FBN2: variants seen among roughly 807,000 people sequenced by gnomAD.
The protein encoded by FBN2 is fibrillin 2.
FBN2 carries 105 observed loss-of-function variants against 355.6 expected under a neutral mutation model. The ratio of observed to expected loss-of-function variants is 0.30; its 90% CI spans 0.25 to 0.35. FBN2 has a LOEUF of 0.35. Among genes scored for constraint, FBN2 ranks in the 10% least tolerant of loss-of-function variants. The probability of loss-of-function intolerance (pLI) is 1.00; values close to 1 mark genes in which losing one functional copy is unlikely to be tolerated. For missense variants in FBN2, 3,280 were observed against 3,758.7 expected, an observed-to-expected ratio of 0.87 and a Z score of 3.33; for synonymous variants, 1,350 against 1,301.2, an observed-to-expected ratio of 1.04 and a Z score of -0.81.
chr5:128,366,473 A>T, intron 16 of FBN2, 43 bp from the exon 17 acceptor site: 1 of 1,227,450 alleles, frequency 8.1e-7, no homozygotes, highest in Non-Finnish European at 1.2e-6. Context: ...ACTTAACTAT[A>T]CCTATTCCAT....
At chr5:128,527,173 T>A (rs1374861254) in intron 4 of FBN2, among the ~76,000 whole-genome samples, 6 of 152,194 alleles carry the variant, frequency 3.9e-5, no homozygotes, top group African/African-American at 1.4e-4. Flanking sequence ...AATATGTGAA[T>A]TCCCAAAAAT....
chr5:128,454,296 A>G (rs886417606), intron 6 of FBN2, among the ~76,000 whole-genome samples: 18 of 152,282 alleles, frequency 1.2e-4, no homozygotes, highest in Admixed American at 1.3e-4. Flanking sequence ...GTGGGGTTAG[A>G]AGAAGAGGAA....
chr5:128,332,294 AT>A (rs575563030), intron 32 of FBN2, among the ~76,000 whole-genome samples: 10 of 152,342 alleles, frequency 6.6e-5, no homozygotes, highest in Middle Eastern at 3.4e-3. Flanking sequence ...ATTGTAAGGC[AT>A]GTGAAACACT....
Position 128,311,434 on chromosome 5 carries a change from A to C in FBN2, c.4949-9T>G. 3.7e-6 allele frequency: 6 copies of C among 1,613,682 alleles called. No individual in the cohort carries two copies. Among genetic ancestry groups the C allele is most frequent in the Non-Finnish European group, 5.1e-6 (6 of 1,179,610 alleles). ...CTGGCATTCGTCAATGTCTACAAAA[A>C]GGGAGACAGTGCACTTAAAACAAAC... On this transcript the variant is annotated splice_polypyrimidine_tract_variant and intron_variant, in intron 38 of 64. Coordinates refer to ENST00000262464, the MANE Select transcript of FBN2 (RefSeq NM_001999.4).
intron 3 of FBN2, among the ~76,000 whole-genome samples, chr5:128,530,292 T>C (rs144015851): frequency 6.6e-6 from 1 of 152,146 alleles, no homozygotes; most frequent in Non-Finnish European, 1.5e-5. Context: ...TCCTTCCCCC[T>C]TAGATAACCC....
intron 7 of FBN2, among the ~76,000 whole-genome samples, chr5:128,420,835 C>T (rs1753326756): frequency 6.6e-6 from 1 of 152,282 alleles, no homozygotes; most frequent in South Asian, 2.1e-4. Context: ...TGATTTGCCA[C>T]ATACCAAATA....
intron 55 of FBN2, among the ~76,000 whole-genome samples, chr5:128,283,368 T>C (rs1281301625): frequency 6.6e-6 from 1 of 152,238 alleles, no homozygotes; most frequent in South Asian, 2.1e-4. Context: ...TTCCTTAATG[T>C]GTGTGCTCCA....
chr5:128,331,622 G>A (rs1750693901), intron 32 of FBN2, among the ~76,000 whole-genome samples: 2 of 152,124 alleles, frequency 1.3e-5, no homozygotes, highest in South Asian at 4.1e-4. Context: ...GATTGCAGGA[G>A]GGCCAGAGAG....
intron 3 of FBN2, among the ~76,000 whole-genome samples, chr5:128,529,201 A>G (rs1756644533): frequency 6.6e-6 from 1 of 151,970 alleles, no homozygotes; most frequent in African/African-American, 2.4e-5. Flanking sequence ...GTGTAGATAA[A>G]TATTATGAGT....
Position 128,537,729 on chromosome 5 carries a change from C to T in FBN2, c.-126G>A. 1.1e-6 allele frequency: 1 copy of T among 921,570 alleles called. No homozygotes were observed. Among genetic ancestry groups the T allele is most frequent in the Non-Finnish European group, 1.7e-6 (1 of 594,650 alleles). The allele number at this position is 921,570 out of a possible 1,614,324, so 57.1% of individuals were successfully genotyped here. A position where few individuals can be genotyped will look rare whatever the true frequency, so the allele number is the denominator to read the frequency against. ...CGTCGGCTCCGGGGACTCCCTCGGG[C>T]TCGGGCTCCCTGCTCTAGCTGGAGA... On this transcript the variant is annotated 5_prime_UTR_variant, in exon 1 of 65. Transcript: ENST00000262464.
intron 62 of FBN2, among the ~76,000 whole-genome samples, chr5:128,266,145 T>A (rs1398908368): frequency 2.0e-5 from 3 of 152,200 alleles, no homozygotes; most frequent in Non-Finnish European, 4.4e-5. Context: ...AAAAATCTAA[T>A]GGCGTTACAT....
In FBN2 at chr5:128,294,717, C is replaced by A. The variant is rs540628464; in HGVS notation, c.6167-3063G>T. ...TTTTTCTTGTAAATTTGTTTGAGTT[C>A]ATTGTAGATTCTGGATATTAGCCCT... is the stretch of plus-strand genomic sequence containing the variant. On this transcript the variant is annotated intron_variant, in intron 48 of 64. Transcript: ENST00000262464. Among the ~76,000 whole-genome samples the A allele has an allele frequency of 2.5e-3, 382 of 150,726 alleles. 1 individual carries two copies. The highest frequency in any genetic ancestry group is 0.01 in the Middle Eastern group (3 of 294).
chr5:128,331,637 C>A (rs890622810), intron 32 of FBN2, among the ~76,000 whole-genome samples: 7 of 152,152 alleles, frequency 4.6e-5, no homozygotes, highest in Admixed American at 1.3e-4. Flanking sequence ...AGAGAGGGAA[C>A]AAGCCAACAT....
At chr5:128,386,786 A>G (rs1243752661) in intron 11 of FBN2, among the ~76,000 whole-genome samples, 1 of 152,142 alleles carries the variant, frequency 6.6e-6, no homozygotes, top group Non-Finnish European at 1.5e-5. Context: ...CTAGGGATAA[A>G]GCTTACTTGA....
rs375097708 is a variant in FBN2, at chr5:128,502,210, C to A, written c.628+17063G>T. On this transcript the variant is annotated intron_variant, in intron 5 of 64. Coordinates refer to ENST00000262464, the MANE Select transcript of FBN2 (RefSeq NM_001999.4). ...CAAACAGCTCAAAGAAACAATAGAA[C>A]GTTTCTCCAAAATTAAGGAAGAAGT... is the stretch of plus-strand genomic sequence containing the variant. Among the ~76,000 whole-genome samples, 17 of 150,732 alleles carry A rather than the reference C, an allele frequency of 1.1e-4. No homozygotes were observed. The East Asian group carries it at 3.1e-3, about 28-fold the overall frequency.
intron 48 of FBN2, 47 bp from the exon 49 acceptor site, chr5:128,291,701 A>G: frequency 2.5e-6 from 4 of 1,577,858 alleles, no homozygotes; most frequent in Non-Finnish European, 3.5e-6. Context: ...ACTTGAAAAT[A>G]AACAATTGTC....
chr5:128,463,031 GT>G (rs1754599580), intron 6 of FBN2, among the ~76,000 whole-genome samples: 1 of 152,068 alleles, frequency 6.6e-6, no homozygotes, highest in African/African-American at 2.4e-5. Flanking sequence ...AAGTTAGTAT[GT>G]TAGAAGGTAA....
chr5:128,414,248 C>G (rs1253117876), intron 7 of FBN2, among the ~76,000 whole-genome samples: 1 of 152,112 alleles, frequency 6.6e-6, no homozygotes, highest in Non-Finnish European at 1.5e-5. Flanking sequence ...TTTTCATCCC[C>G]CCCCAAGGAA....
intron 5 of FBN2, among the ~76,000 whole-genome samples, chr5:128,499,063 G>A (rs978008724): frequency 6.6e-6 from 1 of 152,180 alleles, no homozygotes; most frequent in Non-Finnish European, 1.5e-5. Flanking sequence ...GCCCCCTGCA[G>A]GGAGTATGTA....
Sources: gnomAD v4.1 joint callset for allele counts (sites outside exome capture counted in the v4.1 genomes callset) on GRCh38, gnomAD v4.1.1 for gene constraint, MANE v1.5 for transcripts, NCBI Gene and HGNC (gene_info 2026-07-23, HGNC 2026-07-21) for gene names.